Variants in SOX5 observed in about 807,000 individuals in gnomAD.
The protein encoded by SOX5 is SRY-box transcription factor 5.
A neutral mutation model predicts 92.0 loss-of-function variants in SOX5; 9 were observed. That is an observed-to-expected ratio of 0.10 (90% CI 0.06 to 0.17). The LOEUF (loss-of-function observed/expected upper bound fraction) is 0.17. Among genes scored for constraint, SOX5 ranks in the 10% least tolerant of loss-of-function variants. The probability of loss-of-function intolerance (pLI) is 1.00; values close to 1 mark genes in which losing one functional copy is unlikely to be tolerated. For synonymous variants in SOX5, 344 were observed against 336.3 expected (o/e 1.02, Z -0.25); for missense variants, 642 against 944.5 (o/e 0.68, Z 4.20).
intron 2 of SOX5, among the ~76,000 whole-genome samples, chr12:23,870,813 C>T (rs1055469392): frequency 2.0e-5 from 3 of 152,020 alleles, no homozygotes; most frequent in African/African-American, 2.4e-5. Flanking sequence ...TTGTACTGAT[C>T]GTTCAAGTTT....
chr12:24,240,777 T>TA (rs1288461284), intron 3 of SOX5, among the ~76,000 whole-genome samples: 1 of 152,202 alleles, frequency 6.6e-6, no homozygotes, highest in African/African-American at 2.4e-5. Flanking sequence ...AAGTGGCTGT[T>TA]ACTATCAAAC....
At position 24,457,680 on chromosome 12, in the gene SOX5, TTAAA is replaced by T. The variant is rs1438568518; in HGVS notation, c.-250-89045_-250-89042del. Among the ~76,000 whole-genome samples the T allele has an allele frequency of 3.9e-5, 6 of 152,290 alleles. 1 individual carries two copies. Among genetic ancestry groups the T allele is most frequent in the African/African-American group, 1.4e-4 (6 of 41,566 alleles). Reference sequence around the variant, plus strand: ...AGAATTTCCCAATATCAGACAATTTTTAAATAAATAAACAAAAATGGAAAATAAT... The same window carrying T: ...AGAATTTCCCAATATCAGACAATTTTTAAATAAACAAAAATGGAAAATAAT... On this transcript the variant is annotated intron_variant, in intron 1 of 4. Transcript: ENST00000446891.
At chr12:23,888,922 T>C (rs1192329806) in intron 2 of SOX5, among the ~76,000 whole-genome samples, 1 of 152,158 alleles carries the variant, frequency 6.6e-6, no homozygotes, top group Non-Finnish European at 1.5e-5. Context: ...AGCAAGCCTA[T>C]CTCCTACAGA....
intron 8 of SOX5, among the ~76,000 whole-genome samples, chr12:23,605,065 A>C (rs888780502): frequency 1.3e-5 from 2 of 152,154 alleles, no homozygotes; most frequent in Admixed American, 6.6e-5. Context: ...TTATCTGGTC[A>C]GTCTACCTAC....
At chr12:23,936,900 G>T (rs1475909073) in intron 1 of SOX5, among the ~76,000 whole-genome samples, 1 of 150,852 alleles carries the variant, frequency 6.6e-6, no homozygotes, top group Non-Finnish European at 1.5e-5. Context: ...TATATTTACA[G>T]CACATTTTGG....
At chr12:23,847,580 T>C (rs1487236854) in intron 2 of SOX5, among the ~76,000 whole-genome samples, 1 of 152,140 alleles carries the variant, frequency 6.6e-6, no homozygotes, top group Non-Finnish European at 1.5e-5. Context: ...AATATGTTTT[T>C]TTTTGTTGTT....
At chr12:23,670,299 G>A (rs1019383785) in intron 6 of SOX5, among the ~76,000 whole-genome samples, 2 of 152,166 alleles carry the variant, frequency 1.3e-5, no homozygotes, top group Non-Finnish European at 2.9e-5. Flanking sequence ...GGTGAGGACT[G>A]AATGACAGGC....
At chr12:23,604,842 C>A (rs1344172620) in intron 8 of SOX5, among the ~76,000 whole-genome samples, 2 of 152,108 alleles carry the variant, frequency 1.3e-5, no homozygotes, top group Non-Finnish European at 2.9e-5. Flanking sequence ...TAGTTAAGAG[C>A]TCTTTATATT....
chr12:23,773,193 A>G (rs2094989937), intron 3 of SOX5, among the ~76,000 whole-genome samples: 1 of 152,142 alleles, frequency 6.6e-6, no homozygotes, highest in Admixed American at 6.5e-5. Context: ...TTATATATAT[A>G]GATATGAGTA....
chr12:23,542,915 G>A (rs752300517), intron 13 of SOX5, among the ~76,000 whole-genome samples: 3 of 152,156 alleles, frequency 2.0e-5, no homozygotes, highest in Admixed American at 6.6e-5. Context: ...TGGCTCATGT[G>A]AAAGCAACTT....
chr12:23,740,267 G>T (rs942191538), intron 5 of SOX5, among the ~76,000 whole-genome samples: 1 of 152,068 alleles, frequency 6.6e-6, no homozygotes, highest in African/African-American at 2.4e-5. Context: ...TCTGGTGATG[G>T]CATTCTCAAT....
intron 4 of SOX5, among the ~76,000 whole-genome samples, chr12:24,175,681 C>G (rs1487651321): frequency 2.0e-5 from 3 of 152,152 alleles, no homozygotes; most frequent in African/African-American, 7.2e-5. Context: ...CATTCATTCC[C>G]TGTCCATCTC....
chr12:23,701,914 C>T (rs1040653971), intron 6 of SOX5, among the ~76,000 whole-genome samples: 1 of 152,022 alleles, frequency 6.6e-6, no homozygotes, highest in African/African-American at 2.4e-5. Flanking sequence ...CCAAATTATG[C>T]CAATCCTTAA....
At chr12:23,830,912 A>T (rs1040948109) in intron 3 of SOX5, among the ~76,000 whole-genome samples, 7 of 152,166 alleles carry the variant, frequency 4.6e-5, no homozygotes, top group Non-Finnish European at 8.8e-5. Flanking sequence ...GTAAACTCAA[A>T]CATCAAACAT....
At chr12:23,821,451 C>T (rs1300686581) in intron 3 of SOX5, among the ~76,000 whole-genome samples, 1 of 152,202 alleles carries the variant, frequency 6.6e-6, no homozygotes, top group Non-Finnish European at 1.5e-5. Flanking sequence ...GCCAACACTT[C>T]CAACACTATG....
rs563192364 is a variant in SOX5, at chr12:23,828,007, C to T, written c.481+17976G>A. 2.0e-5 allele frequency among the ~76,000 whole-genome samples: 3 copies of T among 152,306 alleles called. No individual in the cohort carries two copies. In the East Asian group the frequency reaches 5.8e-4, roughly 29 times the overall value. On this transcript the variant is annotated intron_variant, in intron 3 of 14. Transcript: ENST00000451604. ...AATGTTGGCTCTATGATTTATTCCACATATAGTTAACTCTACACATAACAA... is the reference window on the plus strand; with the variant it reads ...AATGTTGGCTCTATGATTTATTCCATATATAGTTAACTCTACACATAACAA...
intron 3 of SOX5, among the ~76,000 whole-genome samples, chr12:23,790,068 A>G (rs1418722770): frequency 6.6e-6 from 1 of 152,192 alleles, no homozygotes; most frequent in African/African-American, 2.4e-5. Context: ...AAGAGCATCA[A>G]ATTCAGAAAA....
intron 6 of SOX5, among the ~76,000 whole-genome samples, chr12:23,688,680 G>A (rs17394358): frequency 0.077 from 11,721 of 152,032 alleles, 599 homozygotes; most frequent in East Asian, 0.14. Context: ...TAATTGCTAC[G>A]AATTGGGCCT....
At chr12:24,556,176 TC>T (rs1446015186) in intron 1 of SOX5, among the ~76,000 whole-genome samples, 5 of 152,208 alleles carry the variant, frequency 3.3e-5, no homozygotes, top group Non-Finnish European at 7.3e-5. Flanking sequence ...TCCTGCCCTC[TC>T]CCCTAATAAA....
Sources: gnomAD v4.1 joint callset for allele counts (sites outside exome capture counted in the v4.1 genomes callset) on GRCh38, gnomAD v4.1.1 for gene constraint, MANE v1.5 for transcripts, NCBI Gene and HGNC (gene_info 2026-07-23, HGNC 2026-07-21) for gene names.